Variants in FANK1 observed in about 807,000 individuals in gnomAD.
FANK1 encodes fibronectin type III and ankyrin repeat domains 1, also known as fibronectin type 3 and ankyrin repeat domains protein 1.
A neutral mutation model predicts 45.3 loss-of-function variants in FANK1; 44 were observed. That is an observed-to-expected ratio of 0.97 (90% CI 0.76 to 1.25). FANK1 has a LOEUF of 1.25. Ranked by LOEUF, FANK1 falls within the 50% of genes most tolerant of loss-of-function variation. The pLI is 0.00. For missense variants in FANK1, 391 were observed against 424.4 expected, an observed-to-expected ratio of 0.92 and a Z score of 0.69; for synonymous variants, 149 against 152.5, an observed-to-expected ratio of 0.98 and a Z score of 0.17.
intron 3 of FANK1, among the ~76,000 whole-genome samples, chr10:125,993,280 A>C (rs1280988712): frequency 6.6e-6 from 1 of 152,198 alleles, no homozygotes; most frequent in Admixed American, 6.5e-5. Flanking sequence ...ATTAGGAAAA[A>C]GTGGGGCCTG....
chr10:125,981,651 G>T (rs888543872), intron 2 of FANK1, among the ~76,000 whole-genome samples: 4 of 152,110 alleles, frequency 2.6e-5, no homozygotes, highest in African/African-American at 9.7e-5. Context: ...ATGGTTTTTA[G>T]TGAAACTTTT....
intron 3 of FANK1, chr10:125,988,941 C>A (rs1035629545): frequency 2.1e-5 from 12 of 568,110 alleles, no homozygotes; most frequent in Non-Finnish European, 3.4e-5. Context: ...GTGGAGTCAC[C>A]TTTCTTAGGA....
At chr10:125,980,571 A>T (rs1032226233) in intron 2 of FANK1, 3 of 458,266 alleles carry the variant, frequency 6.5e-6, no homozygotes, top group Non-Finnish European at 1.2e-5. Context: ...TATTTTAATG[A>T]TATGTATTTA....
intron 1 of FANK1, among the ~76,000 whole-genome samples, chr10:125,967,538 G>A (rs1296940245): frequency 6.6e-6 from 1 of 152,182 alleles, no homozygotes. Context: ...GATAATTGAA[G>A]CTGGGTAACA....
intron 6 of FANK1, among the ~76,000 whole-genome samples, chr10:125,998,881 C>T (rs1305051369): frequency 6.6e-6 from 1 of 152,180 alleles, no homozygotes; most frequent in East Asian, 1.9e-4. Flanking sequence ...ACTATTCGAC[C>T]AGTGAACCTG....
At chr10:125,974,390 C>T (rs1338924118) in intron 1 of FANK1, among the ~76,000 whole-genome samples, 1 of 151,584 alleles carries the variant, frequency 6.6e-6, no homozygotes, top group Non-Finnish European at 1.5e-5. Flanking sequence ...ATACAAGATC[C>T]TTTTTTTTTA....
At chr10:125,938,484 T>C (rs1554922756) in intron 1 of FANK1, among the ~76,000 whole-genome samples, 1 of 152,162 alleles carries the variant, frequency 6.6e-6, no homozygotes, top group Non-Finnish European at 1.5e-5. Context: ...GAATATTCGG[T>C]GTGCCACGAA....
rs183613599 is a variant in FANK1 at position 125,904,147 on chromosome 10, C to T, written c.13+7492C>T. ...GTGTCCTTGAACTGCAAGGAATTAA[C>T]ACTGAGCGTAGTATTAGTAAAACCT... On this transcript the variant is annotated intron_variant, in intron 1 of 10. Transcript: ENST00000368693. 4.6e-5 allele frequency among the ~76,000 whole-genome samples: 7 copies of T among 152,192 alleles called. No homozygotes were observed. In the East Asian group the frequency reaches 5.8e-4, roughly 13 times the overall value.
chr10:125,928,082 T>C (rs1215874754), intron 1 of FANK1, among the ~76,000 whole-genome samples: 1 of 152,088 alleles, frequency 6.6e-6, no homozygotes, highest in Non-Finnish European at 1.5e-5. Context: ...GGTTATTGGA[T>C]CTGGTGCAAG....
intron 1 of FANK1, among the ~76,000 whole-genome samples, chr10:125,976,812 G>A (rs1006305200): frequency 5.9e-5 from 9 of 151,962 alleles, no homozygotes; most frequent in African/African-American, 1.9e-4. Context: ...TAGTAGAGAC[G>A]GGGTTTCACC....
chr10:126,006,158 G>A (rs1953181013), intron 7 of FANK1, among the ~76,000 whole-genome samples: 1 of 152,166 alleles, frequency 6.6e-6, no homozygotes, highest in African/African-American at 2.4e-5. Flanking sequence ...AAATTAAGTC[G>A]ATGACCTGGA....
At chr10:125,932,705 C>T (rs1427477829) in intron 1 of FANK1, among the ~76,000 whole-genome samples, 1 of 152,054 alleles carries the variant, frequency 6.6e-6, no homozygotes, top group Non-Finnish European at 1.5e-5. Flanking sequence ...GATGCCCTTT[C>T]TTTTGTCTGA....
chr10:125,963,429 A>C (rs867855358), intron 1 of FANK1, among the ~76,000 whole-genome samples: 1 of 152,236 alleles, frequency 6.6e-6, no homozygotes, highest in Non-Finnish European at 1.5e-5. Context: ...TCATGCTGCT[A>C]TACAGACACA....
At chr10:125,999,587 G>T (rs951106492) in intron 6 of FANK1, among the ~76,000 whole-genome samples, 2 of 152,108 alleles carry the variant, frequency 1.3e-5, no homozygotes, top group Non-Finnish European at 2.9e-5. Context: ...GTCATTCTTA[G>T]TATTGGCAAA....
intron 1 of FANK1, among the ~76,000 whole-genome samples, chr10:125,905,138 A>C (rs1945388155): frequency 7.2e-6 from 1 of 138,964 alleles, no homozygotes; most frequent in Admixed American, 7.2e-5. Flanking sequence ...CCCAAAAAAA[A>C]AAAAAAAAAA....
intron 1 of FANK1, among the ~76,000 whole-genome samples, chr10:125,902,523 T>G (rs537385224): frequency 5.2e-4 from 79 of 152,354 alleles, no homozygotes; most frequent in African/African-American, 1.9e-3. Flanking sequence ...TGTGCTCCAG[T>G]GAAATTTGAA....
chr10:125,971,450 T>A (rs146789946), intron 1 of FANK1, among the ~76,000 whole-genome samples: 92 of 151,752 alleles, frequency 6.1e-4, no homozygotes, highest in African/African-American at 2.0e-3. Flanking sequence ...ACACAACATC[T>A]CTCTACTTTA....
At chr10:125,950,504 A>C (rs1949135189) in intron 1 of FANK1, among the ~76,000 whole-genome samples, 1 of 152,196 alleles carries the variant, frequency 6.6e-6, no homozygotes, top group South Asian at 2.1e-4. Context: ...CAGCCAAAAA[A>C]CACATGAAAA....
At chr10:125,936,823 T>G (rs1166931415) in intron 1 of FANK1, among the ~76,000 whole-genome samples, 1 of 152,080 alleles carries the variant, frequency 6.6e-6, no homozygotes, top group Non-Finnish European at 1.5e-5. Flanking sequence ...ATCCGAGCAC[T>G]TAGGGAGGCT....
Sources: gnomAD v4.1 joint callset for allele counts (sites outside exome capture counted in the v4.1 genomes callset) on GRCh38, gnomAD v4.1.1 for gene constraint, MANE v1.5 for transcripts, NCBI Gene and HGNC (gene_info 2026-07-23, HGNC 2026-07-21) for gene names.